KCTD16: variants seen among roughly 807,000 people sequenced by gnomAD.
The protein encoded by KCTD16 is potassium channel tetramerization domain containing 16, also known as BTB/POZ domain-containing protein KCTD16.
A neutral mutation model predicts 33.2 loss-of-function variants in KCTD16; 13 were observed. The observed-to-expected ratio is 0.39, with a 90% CI of 0.25 to 0.62. The LOEUF (loss-of-function observed/expected upper bound fraction) is 0.62. Ranked by LOEUF, KCTD16 falls within the 20% of genes least tolerant of loss-of-function variation. The pLI is 0.50. For synonymous variants in KCTD16, 197 were observed against 195.3 expected, an observed-to-expected ratio of 1.01 and a Z score of -0.07; for missense variants, 441 against 525.1, an observed-to-expected ratio of 0.84 and a Z score of 1.57.
intron 3 of KCTD16, chr5:144,439,209 T>C (rs1753645967): frequency 5.0e-6 from 1 of 199,146 alleles, no homozygotes; most frequent in Admixed American, 6.0e-5. Flanking sequence ...AGCGATCATA[T>C]CGCATAAATA....
At chr5:144,200,020 C>G (rs1210408395) in intron 2 of KCTD16, among the ~76,000 whole-genome samples, 2 of 152,132 alleles carry the variant, frequency 1.3e-5, no homozygotes, top group African/African-American at 4.8e-5. Flanking sequence ...GACTTCACAT[C>G]TGTACCTACT....
At chr5:144,395,603 C>T (rs867514923) in intron 3 of KCTD16, among the ~76,000 whole-genome samples, 21 of 152,358 alleles carry the variant, frequency 1.4e-4, no homozygotes, top group African/African-American at 4.8e-4. Context: ...CTATTCAGCA[C>T]TAGCAGTTCC....
intron 3 of KCTD16, among the ~76,000 whole-genome samples, chr5:144,419,117 G>A (rs1353453942): frequency 2.6e-5 from 4 of 152,180 alleles, no homozygotes; most frequent in Non-Finnish European, 4.4e-5. Flanking sequence ...CTACTCTTAC[G>A]ATCTTGGTAA....
chr5:144,171,784 G>A (rs1195982625), intron 1 of KCTD16, among the ~76,000 whole-genome samples: 3 of 152,202 alleles, frequency 2.0e-5, no homozygotes, highest in East Asian at 3.8e-4. Flanking sequence ...AATATCCTGT[G>A]GGATTTGTGT....
Position 144,208,694 on chromosome 5 carries a change from G to A in KCTD16, c.832+1148G>A, listed in dbSNP as rs183700715. 2.6e-5 allele frequency among the ~76,000 whole-genome samples: 4 copies of A among 152,218 alleles called. No individual in the cohort carries two copies. In the East Asian group the frequency reaches 7.7e-4, roughly 29 times the overall value. On this transcript the variant is annotated intron_variant, in intron 3 of 3. Transcript: ENST00000512467. ...TTCCTTAGTTATGTTTAATCATTTGGCAATGGTGCCGGGAACCTTGGTAGA... is the reference window on the plus strand; with the variant it reads ...TTCCTTAGTTATGTTTAATCATTTGACAATGGTGCCGGGAACCTTGGTAGA...
chr5:144,227,508 G>C (rs1753970331), intron 3 of KCTD16, among the ~76,000 whole-genome samples: 1 of 152,200 alleles, frequency 6.6e-6, no homozygotes, highest in African/African-American at 2.4e-5. Flanking sequence ...CTCTGACTCT[G>C]CTGACATGGG....
chr5:144,209,843 T>C (rs1382549053), intron 3 of KCTD16, among the ~76,000 whole-genome samples: 1 of 146,606 alleles, frequency 6.8e-6, no homozygotes, highest in African/African-American at 2.5e-5. Context: ...TATATATTTA[T>C]ATGTGTATAT....
chr5:144,213,355 T>TTTCCC (rs1487267627), intron 3 of KCTD16, among the ~76,000 whole-genome samples: 53 of 152,062 alleles, frequency 3.5e-4, no homozygotes, highest in Non-Finnish European at 4.9e-4. Flanking sequence ...CTCTCTCTCT[T>TTTCCC]TTCCCTTCCC....
intron 3 of KCTD16, chr5:144,439,302 C>T (rs1383102600): frequency 4.3e-6 from 2 of 469,522 alleles, no homozygotes; most frequent in Non-Finnish European, 8.3e-6. Flanking sequence ...CAAGCTGGTC[C>T]CTAAAACCCA....
At chr5:144,295,109 T>C (rs941782151) in intron 3 of KCTD16, among the ~76,000 whole-genome samples, 11 of 152,202 alleles carry the variant, frequency 7.2e-5, no homozygotes, top group African/African-American at 2.7e-4. Context: ...ATTTGTCACA[T>C]AAATTTATGC....
chr5:144,231,439 A>G (rs1754099891), intron 3 of KCTD16, among the ~76,000 whole-genome samples: 1 of 152,094 alleles, frequency 6.6e-6, no homozygotes, highest in African/African-American at 2.4e-5. Flanking sequence ...TAGAAAAAAT[A>G]TTATGTTAAG....
intron 3 of KCTD16, among the ~76,000 whole-genome samples, chr5:144,326,738 C>A (rs1047622355): frequency 6.6e-6 from 1 of 151,778 alleles, no homozygotes; most frequent in Non-Finnish European, 1.5e-5. Flanking sequence ...AAAGAAAAAT[C>A]CAGTTCCTTT....
chr5:144,228,653 A>C (rs1754005193), intron 3 of KCTD16, among the ~76,000 whole-genome samples: 2 of 152,198 alleles, frequency 1.3e-5, no homozygotes, highest in Admixed American at 1.3e-4. Context: ...TTTTTATAAG[A>C]AGAATTCAGT....
At position 144,299,122 on chromosome 5, in the gene KCTD16, ATATATATATATATATATATATATATAT is replaced by A. The variant is rs1160854731; in HGVS notation, c.832+91578_832+91604del. ...TATATATATATATATATATATATAT[ATATATATATATATATATATATATATAT>A]TTTTTTTTTTTTTTTTAACCTGTCA... On this transcript the variant is annotated intron_variant, in intron 3 of 3. Transcript: ENST00000512467. Among the ~76,000 whole-genome samples, 116 of 21,920 alleles carry A rather than the reference ATATATATATATATATATATATATATAT, an allele frequency of 5.3e-3. 8 individuals carry two copies. The highest frequency in any genetic ancestry group is 0.025 in the East Asian group (14 of 562). 14.4% of individuals were successfully genotyped at this position (21,920 alleles called of 152,430 possible).
At chr5:144,336,970 G>C (rs1050798421) in intron 3 of KCTD16, among the ~76,000 whole-genome samples, 1 of 150,846 alleles carries the variant, frequency 6.6e-6, no homozygotes, top group Non-Finnish European at 1.5e-5. Flanking sequence ...ATACATAATT[G>C]TAGTCATATA....
At chr5:144,356,546 GCCC>G (rs1751576130) in intron 3 of KCTD16, among the ~76,000 whole-genome samples, 1 of 152,052 alleles carries the variant, frequency 6.6e-6, no homozygotes, top group Admixed American at 6.6e-5. Context: ...TGGGTTTACT[GCCC>G]ATTGGAAGAA....
At chr5:144,372,784 T>G (rs1751998031) in intron 3 of KCTD16, among the ~76,000 whole-genome samples, 1 of 151,936 alleles carries the variant, frequency 6.6e-6, no homozygotes, top group African/African-American at 2.4e-5. Context: ...AAGACAGAAA[T>G]ATGGAAATGC....
At chr5:144,471,501 G>A (rs1310348419) in intron 3 of KCTD16, among the ~76,000 whole-genome samples, 1 of 152,052 alleles carries the variant, frequency 6.6e-6, no homozygotes, top group African/African-American at 2.4e-5. Context: ...AAACCAGATT[G>A]TCTCTGGTTT....
At chr5:144,367,773 G>T (rs1751872060) in intron 3 of KCTD16, among the ~76,000 whole-genome samples, 1 of 149,476 alleles carries the variant, frequency 6.7e-6, no homozygotes, top group Non-Finnish European at 1.5e-5. Flanking sequence ...GTGGGATGCT[G>T]AAGTTTGGGG....
Sources: allele counts gnomAD v4.1 joint callset (sites outside exome capture counted in the v4.1 genomes callset), GRCh38; gene constraint gnomAD v4.1.1; transcripts MANE v1.5; gene names NCBI Gene and HGNC (gene_info 2026-07-23, HGNC 2026-07-21).